Variants in ITFG1 observed in about 807,000 individuals in gnomAD.
The protein encoded by ITFG1 is T-cell immunomodulatory protein.
ITFG1 carries 34 observed loss-of-function variants against 81.8 expected under a neutral mutation model. The observed-to-expected ratio is 0.42, with a 90% CI of 0.32 to 0.55. The LOEUF (loss-of-function observed/expected upper bound fraction) is 0.55, where lower values mean the gene tolerates loss of function less well. Ranked by LOEUF, ITFG1 falls within the 20% of genes least tolerant of loss-of-function variation. The probability of loss-of-function intolerance (pLI) is 0.17; values close to 1 mark genes in which losing one functional copy is unlikely to be tolerated. For missense variants in ITFG1, 672 were observed against 755.4 expected (o/e 0.89, Z 1.29); for synonymous variants, 285 against 270.6 (o/e 1.05, Z -0.52).
chr16:47,244,591 TTGTGTG>T (rs57470225), intron 12 of ITFG1, among the ~76,000 whole-genome samples: 6,391 of 118,028 alleles, frequency 0.054, 262 homozygotes, highest in Admixed American at 0.12. Flanking sequence ...ATTCCATCTT[TTGTGTG>T]TGTGTGTGTG....
At chr16:47,359,748 A>G (rs1489236406) in intron 8 of ITFG1, among the ~76,000 whole-genome samples, 1 of 152,186 alleles carries the variant, frequency 6.6e-6, no homozygotes, top group Non-Finnish European at 1.5e-5. Context: ...GTCTGCATGG[A>G]GCATTTTCCC....
intron 12 of ITFG1, among the ~76,000 whole-genome samples, chr16:47,253,764 A>C (rs1041042460): frequency 2.0e-5 from 3 of 152,144 alleles, no homozygotes; most frequent in Non-Finnish European, 4.4e-5. Flanking sequence ...GACAGAGCTC[A>C]GGCGGTAATG....
chr16:47,191,337 G>A (rs1047388839), intron 14 of ITFG1, among the ~76,000 whole-genome samples: 1 of 151,790 alleles, frequency 6.6e-6, no homozygotes, highest in Non-Finnish European at 1.5e-5. Flanking sequence ...TGTGGCCCAG[G>A]GTGGCTTTGA....
At chr16:47,180,669 T>C (rs373493796) in intron 14 of ITFG1, among the ~76,000 whole-genome samples, 2 of 152,076 alleles carry the variant, frequency 1.3e-5, no homozygotes, top group East Asian at 1.9e-4. Flanking sequence ...GCAGACGGAG[T>C]CTCGTTCACT....
intron 11 of ITFG1, among the ~76,000 whole-genome samples, 165 bp from the exon 12 acceptor site, chr16:47,258,905 C>G (rs2062968): frequency 2.0e-5 from 3 of 151,794 alleles, no homozygotes; most frequent in Admixed American, 6.6e-5. Flanking sequence ...GTATATACAC[C>G]CAAGTTTCAA....
rs774684313 is a variant in ITFG1 at position 47,375,887 on chromosome 16, A to G, written c.709T>C (p.Trp237Arg). The change falls in exon 7 of 18, where the codon TGG becomes CGG. Residue 237 changes from tryptophan (W) to arginine (R), a missense_variant. Around this residue, in one of 3 missense-constraint regions of ITFG1, gnomAD observed 560 missense variants for 625.7 expected, o/e 0.90. Transcript: ENST00000320640. ...ATTSTFQFEI[W>R]ENLDGNFSVS... ...AAAAGATTTCTTACCAAATTTTCCC[A>G]TATTTCAAACTGGAAGGTACTAGTG... The G allele has an allele frequency of 2.5e-6, 4 of 1,596,450 alleles. No individual in the cohort carries two copies. Among genetic ancestry groups the G allele is most frequent in the Non-Finnish European group, 3.4e-6 (4 of 1,164,100 alleles).
intron 14 of ITFG1, among the ~76,000 whole-genome samples, chr16:47,213,226 T>C (rs145241161): frequency 5.3e-5 from 8 of 152,218 alleles, no homozygotes; most frequent in Non-Finnish European, 8.8e-5. Flanking sequence ...GAATTTCTGT[T>C]GTTGATTTCT....
At chr16:47,230,392 C>G (rs1013593195) in intron 13 of ITFG1, among the ~76,000 whole-genome samples, 1 of 152,050 alleles carries the variant, frequency 6.6e-6, no homozygotes, top group Non-Finnish European at 1.5e-5. Context: ...GTTAAGGATA[C>G]TGAGGTGAGG....
At position 47,204,269 on chromosome 16, in the gene ITFG1, C is replaced by T. The variant is rs927983906; in HGVS notation, c.1453+14599G>A. The stretch of plus-strand genomic sequence containing the variant: ...CTATACCAACCCTGCCGAAGATTCA[C>T]CCTTGGTAACAAGCTTCCATAACAA... On this transcript the variant is annotated intron_variant, in intron 14 of 17. Coordinates refer to ENST00000320640, the MANE Select transcript of ITFG1 (RefSeq NM_030790.5). Among the ~76,000 whole-genome samples the T allele has an allele frequency of 2.6e-5, 4 of 152,186 alleles. No individual in the cohort carries two copies. In the East Asian group the frequency reaches 5.8e-4, roughly 22 times the overall value.
intron 2 of ITFG1, among the ~76,000 whole-genome samples, chr16:47,455,777 CAAAAAAAAAA>C (rs1325999369): frequency 2.2e-5 from 1 of 46,276 alleles, no homozygotes; most frequent in Non-Finnish European, 4.4e-5. Flanking sequence ...CATCCCCCAC[CAAAAAAAAAA>C]AAAAAAAAAA....
intron 5 of ITFG1, among the ~76,000 whole-genome samples, chr16:47,436,637 C>A (rs1271718620): frequency 6.6e-6 from 1 of 152,080 alleles, no homozygotes; most frequent in African/African-American, 2.4e-5. Context: ...TGTGAAAAGG[C>A]AGATTAGAAT....
intron 6 of ITFG1, among the ~76,000 whole-genome samples, chr16:47,402,369 A>T (rs1440603479): frequency 1.3e-5 from 2 of 152,222 alleles, no homozygotes; most frequent in Non-Finnish European, 2.9e-5. Context: ...ATAAATTCTT[A>T]TTATAGTTCT....
At chr16:47,207,913 G>A (rs1567423667) in intron 14 of ITFG1, among the ~76,000 whole-genome samples, 2 of 151,956 alleles carry the variant, frequency 1.3e-5, no homozygotes, top group Admixed American at 6.6e-5. Flanking sequence ...AAATGCTTAC[G>A]AGATGAATTT....
intron 7 of ITFG1, among the ~76,000 whole-genome samples, chr16:47,371,514 T>C (rs1371290491): frequency 6.6e-6 from 1 of 152,222 alleles, no homozygotes; most frequent in Non-Finnish European, 1.5e-5. Context: ...TGTCATGTGG[T>C]AGCAAGTAGC....
intron 10 of ITFG1, among the ~76,000 whole-genome samples, chr16:47,289,830 T>G (rs1327989938): frequency 6.6e-6 from 1 of 152,166 alleles, no homozygotes; most frequent in Non-Finnish European, 1.5e-5. Flanking sequence ...TTTTGTAGTC[T>G]CAATTAGTAA....
chr16:47,374,477 C>A (rs1187251773), intron 7 of ITFG1, among the ~76,000 whole-genome samples: 4 of 152,084 alleles, frequency 2.6e-5, no homozygotes, highest in African/African-American at 9.7e-5. Context: ...TCATTATGTT[C>A]TATAGATATT....
intron 2 of ITFG1, among the ~76,000 whole-genome samples, chr16:47,456,465 G>C (rs1412290953): frequency 6.6e-6 from 1 of 152,126 alleles, no homozygotes; most frequent in Non-Finnish European, 1.5e-5. Context: ...CAAGGCAGGT[G>C]GATTGCCTGA....
chr16:47,457,457 TTATG>T (rs1239264156), intron 2 of ITFG1, among the ~76,000 whole-genome samples: 3 of 152,166 alleles, frequency 2.0e-5, no homozygotes, highest in African/African-American at 7.2e-5. Context: ...TGTAGATAAA[TTATG>T]TTAGTTAAAA....
At chr16:47,249,354 G>A (rs1966039469) in intron 12 of ITFG1, among the ~76,000 whole-genome samples, 1 of 152,176 alleles carries the variant, frequency 6.6e-6, no homozygotes, top group East Asian at 1.9e-4. Context: ...AGGAGGCAGA[G>A]GTTGTAGTGA....
Sources: allele counts gnomAD v4.1 joint callset (sites outside exome capture counted in the v4.1 genomes callset), GRCh38; gene constraint gnomAD v4.1.1; regional missense constraint gnomAD v4.1.1; transcripts MANE v1.5; gene names NCBI Gene and HGNC (gene_info 2026-07-23, HGNC 2026-07-21).